The following BPTF variants were observed in gnomAD, a reference collection of about 807,000 sequenced individuals.
The protein encoded by BPTF is nucleosome-remodeling factor subunit BPTF.
A neutral mutation model predicts 292.5 loss-of-function variants in BPTF; 18 were observed. That is an observed-to-expected ratio of 0.06 (90% confidence interval 0.04 to 0.09). BPTF has a LOEUF of 0.09. Among genes scored for constraint, BPTF ranks in the 10% least tolerant of loss-of-function variants. The probability of loss-of-function intolerance (pLI) is 1.00; values close to 1 mark genes in which losing one functional copy is unlikely to be tolerated. For synonymous variants in BPTF, 1,225 were observed against 1,251.9 expected (o/e 0.98, Z 0.45); for missense variants, 2,726 against 3,498.7 (o/e 0.78, Z 5.57).
chr17:67,969,921 C>T (rs953453581), intron 26 of BPTF, among the ~76,000 whole-genome samples: 19 of 152,056 alleles, frequency 1.2e-4, no homozygotes, highest in Middle Eastern at 3.4e-3. Context: ...AGTGAAACTC[C>T]GTGTCAAATA....
chr17:67,873,233 G>A (rs1452128917), intron 3 of BPTF, among the ~76,000 whole-genome samples: 5 of 152,104 alleles, frequency 3.3e-5, no homozygotes, highest in South Asian at 4.1e-4. Context: ...TGAGGTGGGC[G>A]GATCACCTGA....
At chr17:67,977,471 C>T (rs1346571554) in intron 27 of BPTF, among the ~76,000 whole-genome samples, 4 of 151,630 alleles carry the variant, frequency 2.6e-5, no homozygotes, top group South Asian at 2.1e-4. Context: ...GCTGAGATTG[C>T]GCCACTGCAT....
intron 4 of BPTF, among the ~76,000 whole-genome samples, chr17:67,889,545 C>T (rs557266289): frequency 5.7e-4 from 87 of 152,256 alleles, no homozygotes; most frequent in African/African-American, 1.8e-3. Context: ...CAGTGGCTCA[C>T]GCCTGTAATC....
intron 26 of BPTF, among the ~76,000 whole-genome samples, chr17:67,973,051 A>ATT (rs1165515313): frequency 6.9e-6 from 1 of 144,256 alleles, no homozygotes. Flanking sequence ...ATATATATAT[A>ATT]TTTTATATAT....
At chr17:67,980,395 T>C (rs1282915253) in intron 27 of BPTF, among the ~76,000 whole-genome samples, 1 of 152,202 alleles carries the variant, frequency 6.6e-6, no homozygotes, top group Non-Finnish European at 1.5e-5. Flanking sequence ...GGATTGATCA[T>C]AGGGAGCCTG....
At chr17:67,908,826 AT>A (rs34934455) in intron 9 of BPTF, among the ~76,000 whole-genome samples, 2,184 of 106,072 alleles carry the variant, frequency 0.021, 25 homozygotes, top group African/African-American at 0.061. Context: ...GTCACTGACA[AT>A]TTTTTTTTTT....
At chr17:67,971,036 A>G (rs1199776488) in intron 26 of BPTF, among the ~76,000 whole-genome samples, 1 of 151,130 alleles carries the variant, frequency 6.6e-6, no homozygotes, top group Non-Finnish European at 1.5e-5. Context: ...CCTCCCAGGT[A>G]CAGCTGATTC....
intron 2 of BPTF, among the ~76,000 whole-genome samples, chr17:67,861,148 C>G (rs968098043): frequency 3.3e-5 from 5 of 152,308 alleles, no homozygotes; most frequent in Admixed American, 3.3e-4. Context: ...ACTGTCCCAC[C>G]AGCTGCTCAA....
At position 67,826,001 on chromosome 17, in the gene BPTF, G is replaced by C. The variant is rs1047638167; in HGVS notation, c.277G>C (p.Gly93Arg). 13 of 1,155,508 alleles carry C rather than the reference G, an allele frequency of 1.1e-5. No homozygotes were observed. Among genetic ancestry groups the C allele is most frequent in the Non-Finnish European group, 1.2e-5 (11 of 938,038 alleles). The allele number at this position is 1,155,508 out of a possible 1,614,324, so 71.6% of individuals were successfully genotyped here. A position where few individuals can be genotyped will look rare whatever the true frequency, so the allele number is the denominator to read the frequency against. Residue 93 changes from glycine (G) to arginine (R), a missense_variant, in exon 1 of 28, where the codon GGG becomes CGG. Physicochemically the swap from Gly to Arg is moderately radical, Grantham distance 125. Transcript: ENST00000306378. ...CCCCAGCACCAGCGCCCCGGGCCGG[G>C]GGGGGCGAGGAGGCGGGGGCGGCAG... ...APPSTSAPGR[G>R]GRGGGGGRTG...
At chr17:67,900,021 GA>G in intron 7 of BPTF, among the ~76,000 whole-genome samples, 1 of 152,056 alleles carries the variant, frequency 6.6e-6, no homozygotes, top group Non-Finnish European at 1.5e-5. Context: ...ACATATTTTT[GA>G]AAATTTTAAT....
At chr17:67,890,817 T>C (rs1278553410) in intron 4 of BPTF, among the ~76,000 whole-genome samples, 1 of 152,240 alleles carries the variant, frequency 6.6e-6, no homozygotes, top group East Asian at 1.9e-4. Flanking sequence ...ATGCCATCTT[T>C]ATTATATATC....
chr17:67,883,980 A>G (rs2060585736), intron 4 of BPTF, among the ~76,000 whole-genome samples: 1 of 152,184 alleles, frequency 6.6e-6, no homozygotes, highest in Non-Finnish European at 1.5e-5. Context: ...TAAGCATATT[A>G]TAAGTATTGT....
At chr17:67,948,566 C>CT (rs1476921594) in intron 23 of BPTF, among the ~76,000 whole-genome samples, 1 of 152,146 alleles carries the variant, frequency 6.6e-6, no homozygotes, top group African/African-American at 2.4e-5. Context: ...TTGAAAAACT[C>CT]TGAGAAGAGC....
At position 67,912,584 on chromosome 17, in the gene BPTF, T is replaced by C. The variant is rs770714328; in HGVS notation, c.4700T>C (p.Leu1567Pro). Residue 1567 changes from leucine (L) to proline (P), a missense_variant, in exon 11 of 28, where the codon CTG becomes CCG. By Grantham distance (98) the Leu-to-Pro change is moderately conservative. Coordinates refer to ENST00000306378, the MANE Select transcript of BPTF (RefSeq NM_182641.4). The part of the protein sequence containing the change: ...LSNDFIDENG[L>P]PINKNENVNG... Reference sequence around the variant, plus strand: ...AATGACTTTATTGATGAAAATGGTCTGCCCATCAACAAAAATGAAAATGTC... The same window carrying C: ...AATGACTTTATTGATGAAAATGGTCCGCCCATCAACAAAAATGAAAATGTC... 3.1e-5 allele frequency: 50 copies of C among 1,613,250 alleles called. No individual in the cohort carries two copies. Among genetic ancestry groups the C allele is most frequent in the Non-Finnish European group, 3.4e-5 (40 of 1,179,848 alleles).
chr17:67,945,796 A>C lies in BPTF; in HGVS notation c.7088A>C (p.Gln2363Pro). The C allele has an allele frequency of 6.2e-7, 1 of 1,614,162 alleles. No homozygotes were observed. Among genetic ancestry groups the C allele is most frequent in the Non-Finnish European group, 8.5e-7 (1 of 1,180,012 alleles). Residue 2363 changes from glutamine to proline, a missense_variant, in exon 21 of 28, where the codon CAA becomes CCA. Around this residue, in one of 22 missense-constraint regions of BPTF, gnomAD observed 570 missense variants for 633.5 expected, o/e 0.90. Transcript: ENST00000306378. Reference sequence around the variant, plus strand: ...ACTCCATCCCAACTGTCTCCTGGACAACAATCCCAGGTTCAGACTACAACC... The same window carrying C: ...ACTCCATCCCAACTGTCTCCTGGACCACAATCCCAGGTTCAGACTACAACC... ...PSTPSQLSPG[Q>P]QSQVQTTTSQ...
chr17:67,885,548 C>T (rs1425960605), intron 4 of BPTF, among the ~76,000 whole-genome samples: 3 of 152,168 alleles, frequency 2.0e-5, no homozygotes, highest in Non-Finnish European at 2.9e-5. Flanking sequence ...CGAGATTGTG[C>T]CACTGCACTC....
At chr17:67,972,097 G>A (rs2068828506) in intron 26 of BPTF, among the ~76,000 whole-genome samples, 1 of 151,946 alleles carries the variant, frequency 6.6e-6, no homozygotes, top group African/African-American at 2.4e-5. Context: ...TCTGTTAATA[G>A]GCCAGTGTTA....
chr17:67,904,887 AT>A, intron 9 of BPTF, 47 bp downstream of exon 9: 2 of 1,434,466 alleles, frequency 1.4e-6, no homozygotes, highest in Non-Finnish European at 1.9e-6. Flanking sequence ...TCTGCTTTAT[AT>A]TTCTTATAAA....
intron 1 of BPTF, among the ~76,000 whole-genome samples, chr17:67,840,509 C>CCTCCCCCCT (rs1166538273): frequency 6.6e-6 from 1 of 151,110 alleles, no homozygotes; most frequent in Non-Finnish European, 1.5e-5. Context: ...TCCTTCCCCT[C>CCTCCCCCCT]CTCCCCCCTT....
Sources: allele counts gnomAD v4.1 joint callset (sites outside exome capture counted in the v4.1 genomes callset), GRCh38; gene constraint gnomAD v4.1.1; regional missense constraint gnomAD v4.1.1; transcripts MANE v1.5; gene names NCBI Gene and HGNC (gene_info 2026-07-23, HGNC 2026-07-21).